BORCS8: variants seen among roughly 807,000 people sequenced by gnomAD.
BORCS8 encodes the protein BLOC-1 related complex subunit 8, also known as BLOC-1-related complex subunit 8.
BORCS8 carries 13 observed loss-of-function variants against 18.7 expected under a neutral mutation model. The ratio of observed to expected loss-of-function variants is 0.70; its 90% CI spans 0.45 to 1.11. The LOEUF is 1.11. BORCS8 is among the 50% of genes least tolerant of loss of function. BORCS8 has a pLI of 0.00. For missense variants in BORCS8, 165 were observed against 165.7 expected, an observed-to-expected ratio of 1.00 and a Z score of 0.02; for synonymous variants, 68 against 64.8, an observed-to-expected ratio of 1.05 and a Z score of -0.24.
chr19:19,185,454 G>A (rs531757119), intron 3 of BORCS8, among the ~76,000 whole-genome samples: 1 of 152,350 alleles, frequency 6.6e-6, no homozygotes, highest in Non-Finnish European at 1.5e-5. Context: ...GGGAGGCTGA[G>A]GTGGGTAGAT....
At chr19:19,185,915 C>A in intron 3 of BORCS8, 119 bp downstream of exon 3, 2 of 1,014,792 alleles carry the variant, frequency 2.0e-6, no homozygotes, top group East Asian at 2.6e-5. Flanking sequence ...CCCCATACAC[C>A]CACTCGGGTA....
At position 19,182,510 on chromosome 19, in the gene BORCS8, G is replaced by A. The variant is rs981439101; in HGVS notation, c.326+63C>T. 11 of 1,519,896 alleles carry A rather than the reference G, an allele frequency of 7.2e-6. No individual in the cohort carries two copies. Among genetic ancestry groups the A allele is most frequent in the Admixed American group, 2.2e-5 (1 of 46,418 alleles). 94.2% of individuals were successfully genotyped at this position (1,519,896 alleles called of 1,614,324 possible). ...TAAGCGAGAAGCAGCGGTTCCCAGC[G>A]CAGCTGAGAGACGGTCCTTGCAGCT... On this transcript the variant is annotated intron_variant, in intron 4 of 5. Coordinates refer to ENST00000462790, the MANE Select transcript of BORCS8 (RefSeq NM_001145784.2). This position sits in a 1 kb window ranked among gnomAD's most constrained non-coding sequence, Gnocchi z 4.1.
intron 5 of BORCS8, chr19:19,179,857 A>G (rs1445262288): frequency 3.3e-5 from 5 of 152,762 alleles, no homozygotes; most frequent in African/African-American, 9.6e-5. Context: ...AGCACTCTGC[A>G]TGGGAGCCGC....
At chr19:19,191,954 G>C (rs1424462560) in intron 1 of BORCS8, 127 bp downstream of exon 1, 27 of 1,138,282 alleles carry the variant, frequency 2.4e-5, no homozygotes, top group Non-Finnish European at 3.2e-5. Flanking sequence ...ACTAGTCAGC[G>C]GCAGAGCTGG....
chr19:19,182,308 T>C lies in BORCS8; in HGVS notation c.326+265A>G. On this transcript the variant is annotated intron_variant, in intron 4 of 5. Transcript: ENST00000462790. The surrounding 1 kb of genome is among the most constrained non-coding windows in gnomAD (Gnocchi z 4.1). The stretch of plus-strand genomic sequence containing the variant: ...GCCATGTTTACCTGGTTGTCGTATG[T>C]CTCCTTGTGAGCCTGTCTGTCTCGG... 2 of 798,848 alleles carry C rather than the reference T, an allele frequency of 2.5e-6. No individual in the cohort carries two copies. Among genetic ancestry groups the C allele is most frequent in the Non-Finnish European group, 3.4e-6 (2 of 588,862 alleles). The allele number at this position is 798,848 out of a possible 1,614,324, so 49.5% of individuals were successfully genotyped here.
chr19:19,189,533 T>C (rs2060445614), intron 1 of BORCS8, among the ~76,000 whole-genome samples: 1 of 152,126 alleles, frequency 6.6e-6, no homozygotes, highest in Non-Finnish European at 1.5e-5. Context: ...CCTGCCTTCC[T>C]TGCCCTCCAC....
At chr19:19,191,051 G>A (rs936730863) in intron 1 of BORCS8, among the ~76,000 whole-genome samples, 1 of 152,152 alleles carries the variant, frequency 6.6e-6, no homozygotes, top group Non-Finnish European at 1.5e-5. Context: ...AATCTAGGGT[G>A]ATTTAAAGTA....
chr19:19,181,237 C>A (rs1421226311), intron 4 of BORCS8, among the ~76,000 whole-genome samples: 1 of 151,122 alleles, frequency 6.6e-6, no homozygotes, highest in Non-Finnish European at 1.5e-5. Flanking sequence ...CAGTGGGTCA[C>A]ACCTGTAATC....
rs2060492023 is a variant in BORCS8, at chr19:19,192,109, C to G, written c.9G>C (p.Glu3Asp). 1 of 1,551,312 alleles carries G rather than the reference C, an allele frequency of 6.4e-7. No individual in the cohort carries two copies. Among genetic ancestry groups the G allele is most frequent in the African/African-American group, 1.4e-5 (1 of 73,036 alleles). Residue 3 changes from glutamate (E) to aspartate (D), a missense_variant, in exon 1 of 6, where the codon GAG becomes GAC. Coordinates refer to ENST00000462790, the MANE Select transcript of BORCS8 (RefSeq NM_001145784.2). ...TCTTCCCCTTGAGCTGCATCTCCGG[C>G]TCCTCCATAGCGACCGCGGCCGAGC... is the stretch of plus-strand genomic sequence containing the variant. ME[E>D]PEMQLKGKKV...
chr19:19,189,655 G>T (rs189311236), intron 1 of BORCS8, among the ~76,000 whole-genome samples: 4 of 152,312 alleles, frequency 2.6e-5, no homozygotes, highest in African/African-American at 7.2e-5. Flanking sequence ...GCCGGGTGCG[G>T]TGGCTCACGC....
Position 19,182,794 on chromosome 19 carries a change from G to A in BORCS8, c.216-111C>T, listed in dbSNP as rs1213070645. Reference sequence around the variant, plus strand: ...TCGGTGGGTACCTCAGTGATTCTGCGGGCTTCCCGAAGGACTCACAGTGGG... The same window carrying A: ...TCGGTGGGTACCTCAGTGATTCTGCAGGCTTCCCGAAGGACTCACAGTGGG... On this transcript the variant is annotated intron_variant, in intron 3 of 5. Transcript: ENST00000462790. This position sits in a 1 kb window ranked among gnomAD's most constrained non-coding sequence, Gnocchi z 4.1. The A allele has an allele frequency of 1.4e-5, 20 of 1,382,360 alleles. 1 individual carries two copies. The South Asian group carries it at 1.8e-4, about 13-fold the overall frequency. 85.6% of individuals were successfully genotyped at this position (1,382,360 alleles called of 1,614,324 possible).
At chr19:19,188,789 C>T (rs573485468) in intron 1 of BORCS8, among the ~76,000 whole-genome samples, 3 of 152,176 alleles carry the variant, frequency 2.0e-5, no homozygotes, top group African/African-American at 7.2e-5. Flanking sequence ...ACCAGCCAGC[C>T]CTGCCCTGTT....
rs959082669 is a variant in BORCS8 at position 19,185,579 on chromosome 19, G to A, written c.215+455C>T. ...CGGGCGCCTGTAGTCCCAGCTACTC[G>A]GGAGGCTGAAGCGGGAGAACTGCTT... On this transcript the variant is annotated intron_variant, in intron 3 of 5. Transcript: ENST00000462790. 3.9e-5 allele frequency among the ~76,000 whole-genome samples: 6 copies of A among 152,200 alleles called. 1 individual carries two copies. Among genetic ancestry groups the A allele is most frequent in the Admixed American group, 6.5e-5 (1 of 15,282 alleles).
chr19:19,180,632 G>A lies in BORCS8; in HGVS notation c.*42+54C>T, dbSNP rs571712199. On this transcript the variant is annotated intron_variant, in intron 5 of 5. Transcript: ENST00000462790. Reference sequence around the variant, plus strand: ...GTGCCTGCCTGGCTGCCAAGCGGGCGGGTTGGTTAGTTCAGAGCAGAGAGA... The same window carrying A: ...GTGCCTGCCTGGCTGCCAAGCGGGCAGGTTGGTTAGTTCAGAGCAGAGAGA... 336 of 1,236,390 alleles carry A rather than the reference G, an allele frequency of 2.7e-4. 1 individual carries two copies. The highest frequency in any genetic ancestry group is 7.8e-4 in the Middle Eastern group (3 of 3,828). The allele number at this position is 1,236,390 out of a possible 1,614,324, so 76.6% of individuals were successfully genotyped here.
chr19:19,180,837 T>A, intron 4 of BORCS8, 76 bp from the exon 5 acceptor site: 1 of 1,422,910 alleles, frequency 7.0e-7, no homozygotes, highest in Non-Finnish European at 9.4e-7. Flanking sequence ...CTGGAGTGTA[T>A]GTTTGGGTGA....
intron 2 of BORCS8, among the ~76,000 whole-genome samples, 175 bp from the exon 3 acceptor site, chr19:19,186,273 G>A (rs1167022074): frequency 1.3e-5 from 2 of 152,196 alleles, no homozygotes; most frequent in Non-Finnish European, 1.5e-5. Context: ...TGGCCACCAT[G>A]CCTCAGGGCC....
At position 19,182,740 on chromosome 19, in the gene BORCS8, AC is replaced by A; in HGVS notation, c.216-58del. ...CCGGACCTGCAGGTAACTGTCCCACACCCCAGCACTTGAGGTCACCACCAGG... is the reference window on the plus strand; with the variant it reads ...CCGGACCTGCAGGTAACTGTCCCACACCCAGCACTTGAGGTCACCACCAGG... On this transcript the variant is annotated intron_variant, in intron 3 of 5. Transcript: ENST00000462790. The surrounding 1 kb of genome is among the most constrained non-coding windows in gnomAD (Gnocchi z 4.1). 1 of 1,495,428 alleles carries A rather than the reference AC, an allele frequency of 6.7e-7. No individual in the cohort carries two copies. The allele number at this position is 1,495,428 out of a possible 1,614,324, so 92.6% of individuals were successfully genotyped here.
rs1467703573 is a variant in BORCS8, at chr19:19,192,106, C to T, written c.12G>A (p.Pro4=). 7.1e-6 allele frequency: 11 copies of T among 1,551,334 alleles called. No homozygotes were observed. In the South Asian group the frequency reaches 1.3e-4, roughly 18 times the overall value. The part of the protein sequence containing the change: MEE[P]EMQLKGKKVT... The stretch of plus-strand genomic sequence containing the variant: ...CTTTCTTCCCCTTGAGCTGCATCTC[C>T]GGCTCCTCCATAGCGACCGCGGCCG... The change falls in exon 1 of 6, where the codon CCG becomes CCA. Residue 4 remains proline (P), a synonymous_variant. Coordinates refer to ENST00000462790, the MANE Select transcript of BORCS8 (RefSeq NM_001145784.2).
At chr19:19,180,898 A>T in intron 4 of BORCS8, 137 bp from the exon 5 acceptor site, 1 of 930,452 alleles carries the variant, frequency 1.1e-6, no homozygotes, top group Non-Finnish European at 1.6e-6. Flanking sequence ...ATCCTGCTTA[A>T]AAGTGGGATG....
Sources: gnomAD v4.1 joint callset for allele counts (sites outside exome capture counted in the v4.1 genomes callset) on GRCh38, gnomAD v4.1.1 for gene constraint, Gnocchi (gnomAD v3.1) non-coding constraint, MANE v1.5 for transcripts, NCBI Gene and HGNC (gene_info 2026-07-23, HGNC 2026-07-21) for gene names.